SSX2IP: variants seen among roughly 807,000 people sequenced by gnomAD.
SSX2IP encodes SSX family member 2 interacting protein, also known as afadin- and alpha-actinin-binding protein.
In SSX2IP, 55 loss-of-function variants were observed where a neutral mutation model predicts 84.9. The ratio of observed to expected loss-of-function variants is 0.65; its 90% CI spans 0.52 to 0.81. The LOEUF (loss-of-function observed/expected upper bound fraction) is 0.81. Among genes scored for constraint, SSX2IP ranks in the 30% least tolerant of loss-of-function variants. The pLI is 0.00. For missense variants in SSX2IP, 664 were observed against 705.2 expected (o/e 0.94, Z 0.66); for synonymous variants, 239 against 234.7 (o/e 1.02, Z -0.17).
In SSX2IP at chr1:84,644,983, C is replaced by T. The variant is rs1649306644; in HGVS notation, c.*2450G>A. The T allele has an allele frequency of 6.6e-6, 1 of 152,084 alleles. No individual in the cohort carries two copies. Among genetic ancestry groups the T allele is most frequent in the African/African-American group, 2.4e-5 (1 of 41,412 alleles). 9.4% of individuals were successfully genotyped at this position (152,084 alleles called of 1,614,324 possible). On this transcript the variant is annotated 3_prime_UTR_variant, in exon 14 of 14. Transcript: ENST00000342203. The stretch of plus-strand genomic sequence containing the variant: ...GCAGATGCAAACATTTAATGGTGAA[C>T]AAAATGTTTATCTCAATTTTTCTTT...
intron 3 of SSX2IP, chr1:84,670,207 G>T: frequency 5.4e-6 from 1 of 184,446 alleles, no homozygotes; most frequent in Non-Finnish European, 1.1e-5. Context: ...TATTTTAAAA[G>T]GTTGGTTACT....
intron 1 of SSX2IP, among the ~76,000 whole-genome samples, chr1:84,688,916 C>G (rs1466356064): frequency 6.6e-6 from 1 of 152,182 alleles, no homozygotes; most frequent in Non-Finnish European, 1.5e-5. Flanking sequence ...GAGGTTCAGC[C>G]AGTCACTAAA....
chr1:84,647,506 G>A lies in SSX2IP; in HGVS notation c.1772C>T (p.Ser591Leu). The A allele has an allele frequency of 3.7e-6, 6 of 1,613,050 alleles. No individual in the cohort carries two copies. The highest frequency in any genetic ancestry group is 5.1e-6 in the Non-Finnish European group (6 of 1,179,430). The change falls in exon 14 of 14, where the codon TCA becomes TTA. Residue 591 changes from serine to leucine, a missense_variant. Ser to Leu is a moderately radical substitution (Grantham distance 145). Transcript: ENST00000342203. ...GCATCCACTATAGCAACCTTCCTGT[G>A]ATCCAGGTCTTGATGCCACACTCCA... Reference protein sequence around the residue: ...QKWSVASRPGSQEGCYSGCSL... With the variant: ...QKWSVASRPGLQEGCYSGCSL...
chr1:84,650,280 T>C, intron 13 of SSX2IP, 82 bp downstream of exon 13: 1 of 1,387,752 alleles, frequency 7.2e-7, no homozygotes. Flanking sequence ...TTGCTAATAC[T>C]ACAGACATGC....
chr1:84,648,795 G>A (rs911660617), intron 13 of SSX2IP, among the ~76,000 whole-genome samples: 3 of 152,110 alleles, frequency 2.0e-5, no homozygotes, highest in Admixed American at 6.5e-5. Context: ...TCTTTTGATT[G>A]TAAAATAAAT....
At chr1:84,669,951 G>C in intron 3 of SSX2IP, 58 bp from the exon 4 acceptor site, 1 of 1,278,684 alleles carries the variant, frequency 7.8e-7, no homozygotes, top group Non-Finnish European at 1.1e-6. Context: ...ACTGGTCAGA[G>C]GATACAAACT....
intron 3 of SSX2IP, chr1:84,670,362 T>C: frequency 4.7e-6 from 1 of 211,710 alleles, no homozygotes. Context: ...CTGCTATAAA[T>C]CTGTGACATG....
intron 10 of SSX2IP, 73 bp downstream of exon 10, chr1:84,656,275 T>C: frequency 1.4e-6 from 2 of 1,464,790 alleles, no homozygotes; most frequent in Non-Finnish European, 1.9e-6. Flanking sequence ...AATAAAGGAA[T>C]ACAAATCTGG....
chr1:84,662,527 A>G lies in SSX2IP; in HGVS notation c.677T>C (p.Met226Thr), dbSNP rs763075938. 2 of 1,613,886 alleles carry G rather than the reference A, an allele frequency of 1.2e-6. No individual in the cohort carries two copies. The highest frequency in any genetic ancestry group is 1.7e-5 in the Admixed American group (1 of 59,988). Residue 226 changes from methionine to threonine, a missense_variant, in exon 7 of 14, where the codon ATG becomes ACG. Transcript: ENST00000342203. The part of the protein sequence containing the change: ...VMNKKDKKIA[M>T]DILNYVGRAD... ...TCTCCCGACATAATTCAAAATGTCC[A>G]TAGCTACAAACATGAACACATAAAA...
chr1:84,665,588 A>G (rs974902149), intron 5 of SSX2IP, among the ~76,000 whole-genome samples: 25 of 151,750 alleles, frequency 1.6e-4, no homozygotes, highest in Non-Finnish European at 8.9e-5. Context: ...CCAAGTAACC[A>G]CTAAAGTAGA....
intron 9 of SSX2IP, among the ~76,000 whole-genome samples, chr1:84,657,203 G>C (rs1651245520): frequency 6.6e-6 from 1 of 151,844 alleles, no homozygotes; most frequent in Non-Finnish European, 1.5e-5. Flanking sequence ...AAAATATTAA[G>C]AATATATTCA....
Position 84,669,678 on chromosome 1 carries a change from T to C in SSX2IP, c.426+3A>G. On this transcript the variant is annotated splice_donor_region_variant and intron_variant, in intron 4 of 13. Transcript: ENST00000342203. Reference sequence around the variant, plus strand: ...CATTAAAATATGGATCTGCAATTTCTACCTTAAGTTTTGAGTAGCAGCTCT... The same window carrying C: ...CATTAAAATATGGATCTGCAATTTCCACCTTAAGTTTTGAGTAGCAGCTCT... 6.2e-7 allele frequency: 1 copy of C among 1,611,182 alleles called. No homozygotes were observed. The highest frequency in any genetic ancestry group is 8.5e-7 in the Non-Finnish European group (1 of 1,177,718).
intron 11 of SSX2IP, 145 bp downstream of exon 11, chr1:84,655,687 C>A: frequency 7.0e-7 from 1 of 1,432,540 alleles, no homozygotes; most frequent in Non-Finnish European, 9.3e-7. Context: ...CTCAGCCTCC[C>A]TCTCATTTCA....
At chr1:84,674,678 T>A (rs541687157) in intron 1 of SSX2IP, among the ~76,000 whole-genome samples, 9 of 152,336 alleles carry the variant, frequency 5.9e-5, no homozygotes, top group Non-Finnish European at 8.8e-5. Flanking sequence ...GTCTATAGAT[T>A]AGACAGTGAA....
intron 9 of SSX2IP, 30 bp from the exon 10 acceptor site, chr1:84,656,514 T>C: frequency 6.3e-7 from 1 of 1,594,764 alleles, no homozygotes; most frequent in South Asian, 1.1e-5. Context: ...TTGACATAGG[T>C]CTTATAGCCA....
intron 6 of SSX2IP, among the ~76,000 whole-genome samples, chr1:84,664,189 A>G (rs1013073719): frequency 6.6e-6 from 1 of 152,164 alleles, no homozygotes; most frequent in Non-Finnish European, 1.5e-5. Flanking sequence ...TTAATTCTAC[A>G]CTGGTCATGT....
rs1475769674 is a variant in SSX2IP at position 84,644,128 on chromosome 1, T to C, written c.*3305A>G. 3.9e-5 allele frequency: 6 copies of C among 152,214 alleles called. No individual in the cohort carries two copies. The South Asian group carries it at 8.3e-4, about 21-fold the overall frequency. 9.4% of individuals were successfully genotyped at this position (152,214 alleles called of 1,614,324 possible). ...GCTTTGCAGGTCAACATTTTGATTG[T>C]AGAAAACAAAATCTAGCAAACAATC... On this transcript the variant is annotated 3_prime_UTR_variant, in exon 14 of 14. Coordinates refer to ENST00000342203, the MANE Select transcript of SSX2IP (RefSeq NM_001166293.2).
At chr1:84,666,995 G>A (rs1374546922) in intron 4 of SSX2IP, among the ~76,000 whole-genome samples, 2 of 152,078 alleles carry the variant, frequency 1.3e-5, no homozygotes, top group Non-Finnish European at 2.9e-5. Context: ...CAGATCTCAA[G>A]AAGGTACAGA....
At chr1:84,685,009 T>C (rs1247683984) in intron 1 of SSX2IP, among the ~76,000 whole-genome samples, 1 of 151,782 alleles carries the variant, frequency 6.6e-6, no homozygotes, top group Non-Finnish European at 1.5e-5. Context: ...CAGGGTTAGG[T>C]GGTACTTACT....
Sources: allele counts gnomAD v4.1 joint callset (sites outside exome capture counted in the v4.1 genomes callset), GRCh38; gene constraint gnomAD v4.1.1; transcripts MANE v1.5; gene names NCBI Gene and HGNC (gene_info 2026-07-23, HGNC 2026-07-21).